The following CFAP299 variants were observed in gnomAD, a reference collection of about 807,000 sequenced individuals.
The protein encoded by CFAP299 is cilia- and flagella-associated protein 299.
A neutral mutation model predicts 27.0 loss-of-function variants in CFAP299; 21 were observed. The ratio of observed to expected loss-of-function variants is 0.78; its 90% CI spans 0.55 to 1.12. The LOEUF is 1.12. CFAP299 is among the 50% of genes most tolerant of loss of function. The probability of loss-of-function intolerance (pLI) is 0.00; values close to 1 mark genes in which losing one functional copy is unlikely to be tolerated. For synonymous variants in CFAP299, 104 were observed against 98.1 expected (o/e 1.06, Z -0.36); for missense variants, 310 against 276.6 (o/e 1.12, Z -0.86).
the CFAP299 span, among the ~76,000 whole-genome samples, chr4:80,325,333 A>G: frequency 1.3e-5 from 2 of 152,230 alleles, no homozygotes; most frequent in Admixed American, 1.3e-4. Context: ...TGTGTCAAAC[A>G]CATCATTTTG....
At chr4:80,596,367 C>T (rs771936905) in intron 3 of CFAP299, among the ~76,000 whole-genome samples, 11 of 152,078 alleles carry the variant, frequency 7.2e-5, no homozygotes, top group Non-Finnish European at 1.0e-4. Flanking sequence ...TAGACTGCAA[C>T]GGGCAAAACC....
intron 2 of CFAP299, among the ~76,000 whole-genome samples, chr4:80,488,760 G>A (rs1730962722): frequency 6.6e-6 from 1 of 152,178 alleles, no homozygotes; most frequent in African/African-American, 2.4e-5. Flanking sequence ...ACAGGCGTGA[G>A]CCACCGCACC....
intron 3 of CFAP299, among the ~76,000 whole-genome samples, chr4:80,814,980 T>A (rs1729350097): frequency 6.6e-6 from 1 of 152,016 alleles, no homozygotes; most frequent in Non-Finnish European, 1.5e-5. Flanking sequence ...TGCAGTCAGC[T>A]CCTATATTCA....
chr4:80,767,340 T>A (rs1403663129), intron 3 of CFAP299, among the ~76,000 whole-genome samples: 1 of 152,198 alleles, frequency 6.6e-6, no homozygotes, highest in Non-Finnish European at 1.5e-5. Flanking sequence ...TGGGGCACGG[T>A]GGCTCACGCC....
intron 3 of CFAP299, among the ~76,000 whole-genome samples, chr4:80,750,089 AT>A (rs1303500506): frequency 1.3e-5 from 2 of 152,152 alleles, no homozygotes; most frequent in African/African-American, 4.8e-5. Flanking sequence ...CCAATAATTT[AT>A]TTTTCTTAAT....
chr4:80,782,128 T>TC (rs1726915322), intron 3 of CFAP299, among the ~76,000 whole-genome samples: 2 of 152,250 alleles, frequency 1.3e-5, no homozygotes, highest in Non-Finnish European at 2.9e-5. Context: ...TTATGGAATT[T>TC]CTTTTTTTTT....
intron 3 of CFAP299, among the ~76,000 whole-genome samples, chr4:80,863,911 G>T (rs1005295410): frequency 6.6e-6 from 1 of 151,890 alleles, no homozygotes. Context: ...AATGTTATTA[G>T]AATGAAAAAG....
intron 2 of CFAP299, among the ~76,000 whole-genome samples, chr4:80,486,616 C>T (rs998753984): frequency 6.6e-6 from 1 of 152,200 alleles, no homozygotes; most frequent in Non-Finnish European, 1.5e-5. Context: ...TCTCTCACCC[C>T]GTTAGGGTTC....
chr4:80,339,325 T>C (rs1722323642), intron 1 of CFAP299, among the ~76,000 whole-genome samples: 1 of 152,238 alleles, frequency 6.6e-6, no homozygotes, highest in African/African-American at 2.4e-5. Context: ...TTTTATTCTT[T>C]TTGGTCGTGA....
At chr4:80,579,720 C>G (rs557274631) in intron 2 of CFAP299, among the ~76,000 whole-genome samples, 1 of 152,084 alleles carries the variant, frequency 6.6e-6, no homozygotes, top group Non-Finnish European at 1.5e-5. Context: ...AGCAATAAAA[C>G]AGTAAGTTGC....
intron 2 of CFAP299, among the ~76,000 whole-genome samples, chr4:80,378,320 A>AT (rs1358848411): frequency 2.0e-5 from 3 of 152,028 alleles, no homozygotes; most frequent in Admixed American, 2.0e-4. Context: ...TCTACTGGCT[A>AT]TTTTTTGTGT....
At chr4:80,409,784 G>T (rs947308191) in intron 2 of CFAP299, among the ~76,000 whole-genome samples, 1 of 152,160 alleles carries the variant, frequency 6.6e-6, no homozygotes, top group African/African-American at 2.4e-5. Context: ...TAGCATACAT[G>T]AGTACAAAGC....
chr4:80,647,348 A>G (rs1304658726), intron 3 of CFAP299, among the ~76,000 whole-genome samples: 2 of 152,186 alleles, frequency 1.3e-5, no homozygotes, highest in African/African-American at 4.8e-5. Flanking sequence ...TTGCCATTGT[A>G]GTCATTTGAA....
At position 80,770,747 on chromosome 4, in the gene CFAP299, A is replaced by G. The variant is rs139775698; in HGVS notation, c.334-99246A>G. Among the ~76,000 whole-genome samples, 1,433 of 152,300 alleles carry G rather than the reference A, an allele frequency of 9.4e-3. 18 individuals are homozygous for G. Among genetic ancestry groups the G allele is most frequent in the South Asian group, 0.062 (301 of 4,832 alleles). On this transcript the variant is annotated intron_variant, in intron 3 of 5. Coordinates refer to ENST00000358105, the MANE Select transcript of CFAP299 (RefSeq NM_152770.3). Reference sequence around the variant, plus strand: ...CATAACTAAGGAAATATTTGTTCCCAACCTCCCTCAGGTAGTTTGCCAAAC... The same window carrying G: ...CATAACTAAGGAAATATTTGTTCCCGACCTCCCTCAGGTAGTTTGCCAAAC...
At chr4:80,925,361 C>T (rs887090014) in intron 4 of CFAP299, among the ~76,000 whole-genome samples, 1 of 146,766 alleles carries the variant, frequency 6.8e-6, no homozygotes, top group African/African-American at 2.4e-5. Flanking sequence ...TTTTTAAATG[C>T]AACATGATTT....
intron 4 of CFAP299, chr4:80,871,200 C>T (rs943982085): frequency 6.1e-6 from 6 of 985,184 alleles, no homozygotes; most frequent in Middle Eastern, 5.2e-4. Context: ...AGCCACCGAG[C>T]CTGACTCCCA....
chr4:80,865,855 T>C (rs968844176), intron 3 of CFAP299, among the ~76,000 whole-genome samples: 1 of 123,474 alleles, frequency 8.1e-6, no homozygotes, highest in African/African-American at 3.1e-5. Flanking sequence ...CACTCACAGG[T>C]GGGAATTGAA....
chr4:80,548,468 G>A (rs773472668), intron 2 of CFAP299, among the ~76,000 whole-genome samples: 2 of 152,072 alleles, frequency 1.3e-5, no homozygotes, highest in African/African-American at 4.8e-5. Flanking sequence ...GGGATTATTC[G>A]TATGTCAAGC....
intron 2 of CFAP299, among the ~76,000 whole-genome samples, chr4:80,577,612 A>G (rs1036474108): frequency 6.6e-6 from 1 of 152,064 alleles, no homozygotes; most frequent in African/African-American, 2.4e-5. Context: ...CATGTTGGCC[A>G]GGATGGTCTC....
Sources: allele counts gnomAD v4.1 joint callset (sites outside exome capture counted in the v4.1 genomes callset), GRCh38; gene constraint gnomAD v4.1.1; transcripts MANE v1.5; gene names NCBI Gene and HGNC (gene_info 2026-07-23, HGNC 2026-07-21).